Variants in ABCB4 observed in about 807,000 individuals in gnomAD.
ABCB4 encodes the protein ATP binding cassette subfamily B member 4, also known as phosphatidylcholine translocator ABCB4.
Under a neutral mutation model 145.7 loss-of-function variants are expected in ABCB4, and 76 were observed. That is an observed-to-expected ratio of 0.52 (90% CI 0.43 to 0.63). The LOEUF (loss-of-function observed/expected upper bound fraction) is 0.63. ABCB4 is among the 30% of genes least tolerant of loss of function. The pLI is 0.00. For synonymous variants in ABCB4, 517 were observed against 566.8 expected, an observed-to-expected ratio of 0.91 and a Z score of 1.25; for missense variants, 1,234 against 1,553.1, an observed-to-expected ratio of 0.79 and a Z score of 3.45.
intron 12 of ABCB4, among the ~76,000 whole-genome samples, chr7:87,443,060 T>G (rs1811091603): frequency 6.6e-6 from 1 of 152,216 alleles, no homozygotes. Flanking sequence ...TAGACTGCTT[T>G]GCAGTAATTT....
Position 87,426,803 on chromosome 7 carries a change from G to C in ABCB4, c.2011C>G (p.Leu671Val). The C allele has an allele frequency of 6.2e-7, 1 of 1,613,984 alleles. No homozygotes were observed. ...TTCTGACACATTTGTGAATTTTTAA[G>C]GTTTTTCTGAGTAGAATGCCTAAAT... ...RLFRHSTQKN[L>V]KNSQMCQKSL... Residue 671 changes from leucine to valine, a missense_variant, in exon 16 of 28, where the codon CTT becomes GTT. Leu to Val is a conservative substitution (Grantham distance 32, BLOSUM62 1). Coordinates refer to ENST00000649586, the MANE Select transcript of ABCB4 (RefSeq NM_000443.4).
At chr7:87,382,033 G>A in the ABCB4 span, 1,389,653 of 1,578,206 alleles carry the variant, frequency 0.88, 613,424 homozygotes, top group Middle Eastern at 0.92. Flanking sequence ...TCTCCTAATA[G>A]TTCTATAGAT....
In ABCB4 at chr7:87,445,687, G is replaced by C. The variant is rs760671864; in HGVS notation, c.1006-712C>G. Among the ~76,000 whole-genome samples, 22 of 152,002 alleles carry C rather than the reference G, an allele frequency of 1.4e-4. 1 individual carries two copies. Among genetic ancestry groups the C allele is most frequent in the South Asian group, 1.2e-3 (6 of 4,812 alleles). ...ATGGTAAAACTTCTACATATAATTT[G>C]GCTTTTCTCAAAACACAGCAACACT... On this transcript the variant is annotated intron_variant, in intron 9 of 27. Coordinates refer to ENST00000649586, the MANE Select transcript of ABCB4 (RefSeq NM_000443.4).
At chr7:87,381,867 G>T in the ABCB4 span, 1 of 1,362,996 alleles carries the variant, frequency 7.3e-7, no homozygotes, top group Non-Finnish European at 1.0e-6. Flanking sequence ...CAAGTTTTAA[G>T]TTGACATAAA....
At chr7:87,415,538 A>G (rs1383766290) in intron 21 of ABCB4, among the ~76,000 whole-genome samples, 1 of 152,150 alleles carries the variant, frequency 6.6e-6, no homozygotes, top group Non-Finnish European at 1.5e-5. Context: ...TAAAGTAGCT[A>G]CTAAAAAAAT....
chr7:87,468,941 T>TAAAATAAAATA lies in ABCB4; in HGVS notation c.135+3679_135+3680insTATTTTATTTT, dbSNP rs1554416079. 3.1e-3 allele frequency among the ~76,000 whole-genome samples: 432 copies of TAAAATAAAATA among 138,934 alleles called. 2 individuals carry two copies. Among genetic ancestry groups the TAAAATAAAATA allele is most frequent in the African/African-American group, 0.012 (403 of 34,574 alleles). 91.1% of individuals were successfully genotyped at this position (138,934 alleles called of 152,430 possible). On this transcript the variant is annotated intron_variant, in intron 3 of 27. Transcript: ENST00000649586. Reference sequence around the variant, plus strand: ...GCGCAACTCCGTCTCAAAAAATAAATAAATAAAATAAAATAAAATAAAATA... The same window carrying TAAAATAAAATA: ...GCGCAACTCCGTCTCAAAAAATAAATAAAATAAAATAAAATAAAATAAAATAAAATAAAATA...
the ABCB4 span, among the ~76,000 whole-genome samples, chr7:87,378,601 T>C: frequency 6.6e-6 from 1 of 152,204 alleles, no homozygotes; most frequent in Non-Finnish European, 1.5e-5. Flanking sequence ...CAGTCTCATA[T>C]CTTCATAGCT....
At chr7:87,406,597 A>G in intron 25 of ABCB4, 103 bp from the exon 26 acceptor site, 1 of 1,261,468 alleles carries the variant, frequency 7.9e-7, no homozygotes, top group East Asian at 2.5e-5. Context: ...TGAGGGTGTC[A>G]GCAGCTTCAA....
the ABCB4 span, among the ~76,000 whole-genome samples, chr7:87,382,790 G>C: frequency 6.6e-6 from 1 of 152,122 alleles, no homozygotes; most frequent in Admixed American, 6.5e-5. Context: ...ATCTGAAAGA[G>C]GATTGGTCAT....
At chr7:87,394,555 T>TAAA in the ABCB4 span, among the ~76,000 whole-genome samples, 52 of 148,684 alleles carry the variant, frequency 3.5e-4, 2 homozygotes, top group South Asian at 9.2e-3. Context: ...AAGTACTATT[T>TAAA]AAAAAAAAAA....
chr7:87,472,595 T>C lies in ABCB4; in HGVS notation c.135+26A>G, dbSNP rs1228839452. ...CAAATTTGAATAAAAGGTAGGATTATTCACATTTAACATTTCACAGCTTAC... is the reference window on the plus strand; with the variant it reads ...CAAATTTGAATAAAAGGTAGGATTACTCACATTTAACATTTCACAGCTTAC... On this transcript the variant is annotated intron_variant, in intron 3 of 27. Transcript: ENST00000649586. The C allele has an allele frequency of 7.0e-6, 11 of 1,566,098 alleles. No homozygotes were observed. Among genetic ancestry groups the C allele is most frequent in the Admixed American group, 1.7e-5 (1 of 59,802 alleles).
intron 4 of ABCB4, among the ~76,000 whole-genome samples, chr7:87,462,151 G>A (rs1812499899): frequency 2.0e-5 from 3 of 152,238 alleles, no homozygotes; most frequent in African/African-American, 7.2e-5. Context: ...AGGGCCTCTC[G>A]TATTGATAAC....
chr7:87,426,117 T>C (rs1296112435), intron 16 of ABCB4, among the ~76,000 whole-genome samples: 3 of 152,118 alleles, frequency 2.0e-5, no homozygotes, highest in Non-Finnish European at 4.4e-5. Flanking sequence ...TAGTATTGTG[T>C]GGGAATTCTG....
intron 3 of ABCB4, among the ~76,000 whole-genome samples, chr7:87,466,717 A>C (rs868566494): frequency 6.6e-6 from 1 of 152,252 alleles, no homozygotes; most frequent in African/African-American, 2.4e-5. Flanking sequence ...GAAACTCTAC[A>C]AGCCAGAAGA....
chr7:87,432,870 G>C (rs891476301), intron 14 of ABCB4, among the ~76,000 whole-genome samples: 2 of 152,120 alleles, frequency 1.3e-5, no homozygotes, highest in African/African-American at 4.8e-5. Context: ...GCATGTGTTT[G>C]TATCTCAATT....
Position 87,426,872 on chromosome 7 carries a change from T to G in ABCB4, c.1942A>C (p.Lys648Gln). 1 of 1,614,010 alleles carries G rather than the reference T, an allele frequency of 6.2e-7. No individual in the cohort carries two copies. Among genetic ancestry groups the G allele is most frequent in the Non-Finnish European group, 8.5e-7 (1 of 1,180,000 alleles). The change falls in exon 16 of 28, where the codon AAG becomes CAG. Residue 648 changes from lysine to glutamine, a missense_variant. By Grantham distance (53) the Lys-to-Gln change is moderately conservative (BLOSUM62 1). This residue lies in a region of ABCB4 where 321 missense variants were observed against 332.6 expected (regional missense o/e 0.97). Transcript: ENST00000649586. Reference protein sequence around the residue: ...QSEEFELNDEKAATRMAPNGW... With the variant: ...QSEEFELNDEQAATRMAPNGW... ...TTTGGGGCCATTCTAGTGGCAGCCT[T>G]TTCATCATTTAGTTCAAATTCTTCT...
chr7:87,417,557 C>G (rs1420127623), intron 20 of ABCB4, 42 bp from the exon 21 acceptor site: 24 of 1,516,294 alleles, frequency 1.6e-5, no homozygotes, highest in Non-Finnish European at 2.2e-5. Flanking sequence ...TTTTAAGCTC[C>G]AAATGCATGC....
intron 3 of ABCB4, 148 bp downstream of exon 3, chr7:87,472,473 C>T (rs1286050585): frequency 4.9e-5 from 34 of 694,612 alleles, no homozygotes; most frequent in Non-Finnish European, 8.1e-5. Flanking sequence ...ACCCTCCCAC[C>T]TCAGTCTCCC....
chr7:87,381,049 G>T, the ABCB4 span, among the ~76,000 whole-genome samples: 1 of 152,136 alleles, frequency 6.6e-6, no homozygotes, highest in East Asian at 1.9e-4. Context: ...CATGATACAG[G>T]CTACAGAGCT....
Sources: allele counts gnomAD v4.1 joint callset (sites outside exome capture counted in the v4.1 genomes callset), GRCh38; gene constraint gnomAD v4.1.1; regional missense constraint gnomAD v4.1.1; transcripts MANE v1.5; gene names NCBI Gene and HGNC (gene_info 2026-07-23, HGNC 2026-07-21).